Variants in TRIM37 observed in about 807,000 individuals in gnomAD.
TRIM37 encodes the protein tripartite motif containing 37.
A neutral mutation model predicts 129.8 loss-of-function variants in TRIM37; 80 were observed. The ratio of observed to expected loss-of-function variants is 0.62; its 90% CI spans 0.51 to 0.74. TRIM37 has a LOEUF of 0.74. Among genes scored for constraint, TRIM37 ranks in the 30% least tolerant of loss-of-function variants. The pLI, the probability that TRIM37 is intolerant of heterozygous loss-of-function variation, is 0.00. For missense variants in TRIM37, 1,054 were observed against 1,176.5 expected (o/e 0.90, Z 1.52); for synonymous variants, 389 against 387.1 (o/e 1.00, Z -0.06).
At chr17:58,991,355 G>A (rs550306847) in intron 24 of TRIM37, among the ~76,000 whole-genome samples, 2 of 152,028 alleles carry the variant, frequency 1.3e-5, no homozygotes, top group Non-Finnish European at 2.9e-5. Context: ...GGCCAACATG[G>A]TAAAACCTTG....
At chr17:59,096,246 A>C (rs1302466406) in intron 2 of TRIM37, among the ~76,000 whole-genome samples, 1 of 152,086 alleles carries the variant, frequency 6.6e-6, no homozygotes, top group Admixed American at 6.6e-5. Context: ...AGACCAAAAA[A>C]AGAGAGTTTA....
intron 9 of TRIM37, 145 bp downstream of exon 9, chr17:59,070,678 A>G: frequency 2.2e-6 from 2 of 905,038 alleles, no homozygotes; most frequent in Non-Finnish European, 3.2e-6. Context: ...GGAGTTTGAG[A>G]CCAGCCTGGG....
chr17:58,992,527 T>C (rs1271834594), intron 24 of TRIM37, among the ~76,000 whole-genome samples: 1 of 151,724 alleles, frequency 6.6e-6, no homozygotes, highest in East Asian at 1.9e-4. Flanking sequence ...ATTACAGGCA[T>C]GCGCCACCAC....
chr17:58,971,680 T>G, the TRIM37 span, among the ~76,000 whole-genome samples: 1 of 152,246 alleles, frequency 6.6e-6, no homozygotes, highest in Non-Finnish European at 1.5e-5. Flanking sequence ...TATATCATTT[T>G]ATACAGCTAG....
chr17:59,076,292 G>A (rs1476249208), intron 7 of TRIM37, among the ~76,000 whole-genome samples: 1 of 152,228 alleles, frequency 6.6e-6, no homozygotes, highest in African/African-American at 2.4e-5. Context: ...TGTAATCCCA[G>A]CACTTTGGGA....
At chr17:59,027,190 C>T (rs2037339221) in intron 19 of TRIM37, among the ~76,000 whole-genome samples, 1 of 152,094 alleles carries the variant, frequency 6.6e-6, no homozygotes, top group South Asian at 2.1e-4. Context: ...TAGCAGGTGT[C>T]TCAAATTAAA....
chr17:59,058,180 A>G (rs747938770), intron 12 of TRIM37, among the ~76,000 whole-genome samples: 1 of 152,244 alleles, frequency 6.6e-6, no homozygotes, highest in Non-Finnish European at 1.5e-5. Flanking sequence ...TTCCTAATAG[A>G]AAATAAGTAT....
chr17:59,097,656 C>T (rs1250692458), intron 2 of TRIM37, among the ~76,000 whole-genome samples: 1 of 152,104 alleles, frequency 6.6e-6, no homozygotes, highest in South Asian at 2.1e-4. Context: ...GTCTCTTGAA[C>T]CCAGGAAGTT....
intron 12 of TRIM37, 148 bp from the exon 13 acceptor site, chr17:59,057,202 C>T (rs2041024728): frequency 1.3e-6 from 1 of 742,650 alleles, no homozygotes; most frequent in Non-Finnish European, 2.2e-6. Context: ...TTTATAAAAA[C>T]AGCAGTATTT....
intron 1 of TRIM37, among the ~76,000 whole-genome samples, chr17:59,105,515 T>A (rs901640849): frequency 4.6e-5 from 7 of 152,242 alleles, no homozygotes; most frequent in African/African-American, 1.4e-4. Flanking sequence ...CGTATACTTA[T>A]TGTATTGTAT....
At chr17:59,053,614 G>A (rs940444585) in intron 13 of TRIM37, among the ~76,000 whole-genome samples, 11 of 152,174 alleles carry the variant, frequency 7.2e-5, no homozygotes, top group East Asian at 1.9e-4. Flanking sequence ...AATAAGTAAC[G>A]CTAATAAGGA....
At chr17:59,033,608 C>T (rs1354026812) in intron 17 of TRIM37, among the ~76,000 whole-genome samples, 2 of 151,812 alleles carry the variant, frequency 1.3e-5, no homozygotes, top group East Asian at 2.0e-4. Flanking sequence ...TCAGTAGATA[C>T]GGGGTTTCAC....
At chr17:58,979,763 T>C (rs182209780), downstream of TRIM37, among the ~76,000 whole-genome samples, 733 of 152,322 alleles carry the variant, frequency 4.8e-3, 4 homozygotes, top group Non-Finnish European at 7.7e-3. Context: ...GCCCAGTAAC[T>C]AGCAATTATT....
intron 17 of TRIM37, among the ~76,000 whole-genome samples, chr17:59,038,927 CCT>C (rs1436772917): frequency 1.3e-5 from 2 of 152,154 alleles, no homozygotes; most frequent in Admixed American, 6.5e-5. Context: ...TGACTCACTC[CCT>C]GTTCCACAGC....
intron 5 of TRIM37, among the ~76,000 whole-genome samples, chr17:59,082,588 T>C (rs747064869): frequency 2.0e-5 from 3 of 152,206 alleles, no homozygotes. Context: ...ACAGAGTTAC[T>C]ACAGAGACAG....
intron 12 of TRIM37, among the ~76,000 whole-genome samples, chr17:59,058,624 G>A (rs1004949766): frequency 1.3e-5 from 2 of 152,144 alleles, no homozygotes; most frequent in African/African-American, 2.4e-5. Flanking sequence ...TTAAGAGACC[G>A]AGGTGGGCAG....
intron 19 of TRIM37, among the ~76,000 whole-genome samples, chr17:59,022,199 G>A (rs1598948120): frequency 1.3e-5 from 2 of 152,148 alleles, no homozygotes; most frequent in African/African-American, 2.4e-5. Flanking sequence ...TTATGACTAT[G>A]TAGTCAAGGA....
intron 16 of TRIM37, among the ~76,000 whole-genome samples, chr17:59,044,061 G>A (rs546978073): frequency 2.3e-4 from 35 of 152,298 alleles, no homozygotes; most frequent in South Asian, 1.4e-3. Flanking sequence ...TTGGGAAGCC[G>A]AGGCTGGAGG....
intron 19 of TRIM37, among the ~76,000 whole-genome samples, chr17:59,020,233 A>C (rs2036447229): frequency 3.1e-5 from 1 of 31,870 alleles, no homozygotes; most frequent in Non-Finnish European, 5.7e-5. Flanking sequence ...TCTGTCTCAA[A>C]AAAAAAAAAA....
Sources: gnomAD v4.1 joint callset for allele counts (sites outside exome capture counted in the v4.1 genomes callset) on GRCh38, gnomAD v4.1.1 for gene constraint, MANE v1.5 for transcripts, NCBI Gene and HGNC (gene_info 2026-07-23, HGNC 2026-07-21) for gene names.